The following WWOX variants were observed in gnomAD, a reference collection of about 807,000 sequenced individuals.
WWOX encodes WW domain-containing oxidoreductase.
WWOX carries 69 observed loss-of-function variants against 46.2 expected under a neutral mutation model. The ratio of observed to expected loss-of-function variants is 1.49; its 90% CI spans 1.23 to 1.82. WWOX has a LOEUF of 1.82. Ranked by LOEUF, WWOX falls within the 40% of genes most tolerant of loss-of-function variation. WWOX has a pLI of 0.00. For missense variants in WWOX, 919 were observed against 542.6 expected, an observed-to-expected ratio of 1.69 and a Z score of -6.89; for synonymous variants, 359 against 202.6, an observed-to-expected ratio of 1.77 and a Z score of -6.56.
At chr16:78,439,912 C>T (rs1399180384) in intron 8 of WWOX, among the ~76,000 whole-genome samples, 1 of 152,312 alleles carries the variant, frequency 6.6e-6, no homozygotes, top group Non-Finnish European at 1.5e-5. Flanking sequence ...AGGGATGAGG[C>T]TCCTCATTGC....
intron 8 of WWOX, among the ~76,000 whole-genome samples, chr16:79,061,721 C>G (rs562282707): frequency 6.6e-6 from 1 of 152,206 alleles, no homozygotes. Context: ...CCTAATTTTG[C>G]TCAGGGCTAC....
intron 5 of WWOX, among the ~76,000 whole-genome samples, chr16:78,378,931 T>C (rs1423364900): frequency 6.6e-6 from 1 of 152,190 alleles, no homozygotes; most frequent in Non-Finnish European, 1.5e-5. Flanking sequence ...CGGTGTTACG[T>C]CTTCAAGAAT....
chr16:78,633,284 C>T (rs2046484654), intron 8 of WWOX, among the ~76,000 whole-genome samples: 1 of 152,088 alleles, frequency 6.6e-6, no homozygotes, highest in Non-Finnish European at 1.5e-5. Flanking sequence ...AACAAAAAAA[C>T]AAGAAGTTAA....
intron 8 of WWOX, among the ~76,000 whole-genome samples, chr16:78,972,304 A>G (rs1460216000): frequency 1.3e-5 from 2 of 152,190 alleles, no homozygotes; most frequent in African/African-American, 2.4e-5. Context: ...GTCTCGCATT[A>G]TAAATGAATG....
In WWOX at chr16:78,362,896, G is replaced by T. The variant is rs1381801483; in HGVS notation, c.517-23964G>T. Among the ~76,000 whole-genome samples the T allele has an allele frequency of 2.0e-5, 3 of 152,190 alleles. No individual in the cohort carries two copies. In the East Asian group the frequency reaches 5.8e-4, roughly 29 times the overall value. ...CCGAAGTTGCTAAATGCGTAAAGGA[G>T]GTGGTGGTGTCAGAATGTTATCCTG... On this transcript the variant is annotated intron_variant, in intron 5 of 8. Coordinates refer to ENST00000566780, the MANE Select transcript of WWOX (RefSeq NM_016373.4).
chr16:78,807,627 C>G (rs990394342), intron 8 of WWOX, among the ~76,000 whole-genome samples: 6 of 152,142 alleles, frequency 3.9e-5, no homozygotes, highest in African/African-American at 1.4e-4. Flanking sequence ...CATTTTATGG[C>G]TTATGGAAAG....
chr16:78,126,799 A>T (rs776912786), intron 4 of WWOX, among the ~76,000 whole-genome samples: 5 of 152,132 alleles, frequency 3.3e-5, no homozygotes, highest in Non-Finnish European at 5.9e-5. Context: ...ACCCCAAAAA[A>T]CTTAAACTTG....
intron 8 of WWOX, among the ~76,000 whole-genome samples, chr16:79,210,384 T>C (rs74036770): frequency 0.022 from 3,308 of 152,272 alleles, 115 homozygotes; most frequent in African/African-American, 0.076. Context: ...ACCAGACCAT[T>C]TGAGGGAAAC....
chr16:78,396,119 C>G (rs1049999590), intron 6 of WWOX, among the ~76,000 whole-genome samples: 2 of 152,204 alleles, frequency 1.3e-5, no homozygotes, highest in African/African-American at 4.8e-5. Flanking sequence ...AAGAACTTGG[C>G]TAGAGATTGG....
chr16:78,270,411 C>G (rs908824841), intron 5 of WWOX: 2 of 152,320 alleles, frequency 1.3e-5, no homozygotes, highest in South Asian at 4.1e-4. Context: ...TCCAGGACAA[C>G]GGTTTGGCAG....
chr16:78,852,912 A>T (rs1340580788), intron 8 of WWOX, among the ~76,000 whole-genome samples: 1 of 152,214 alleles, frequency 6.6e-6, no homozygotes, highest in Non-Finnish European at 1.5e-5. Flanking sequence ...GTTTGGTGAC[A>T]GGCTTCTTTC....
intron 8 of WWOX, among the ~76,000 whole-genome samples, chr16:78,777,812 C>T (rs532096250): frequency 2.0e-5 from 3 of 152,056 alleles, no homozygotes; most frequent in East Asian, 3.9e-4. Context: ...TTTGGGAGGC[C>T]GGGGCAGGCA....
chr16:79,203,994 G>C (rs955157700), intron 8 of WWOX: 3 of 152,128 alleles, frequency 2.0e-5, no homozygotes, highest in East Asian at 1.9e-4. Flanking sequence ...CGGGCATCAA[G>C]GTGGCCCAGT....
intron 5 of WWOX, among the ~76,000 whole-genome samples, chr16:78,355,271 A>T (rs2081261458): frequency 6.6e-6 from 1 of 151,674 alleles, no homozygotes; most frequent in Admixed American, 6.6e-5. Flanking sequence ...AAAAAAAAGT[A>T]TGTATACATA....
chr16:78,899,893 T>G (rs1157253045), intron 8 of WWOX, among the ~76,000 whole-genome samples: 1 of 152,144 alleles, frequency 6.6e-6, no homozygotes, highest in East Asian at 1.9e-4. Flanking sequence ...TAACACTTGT[T>G]CCTCTCTGTC....
chr16:78,664,515 C>T (rs1319595441), intron 8 of WWOX, among the ~76,000 whole-genome samples: 2 of 152,208 alleles, frequency 1.3e-5, no homozygotes, highest in Non-Finnish European at 2.9e-5. Flanking sequence ...TCCCCTCTCA[C>T]TAGCAGGGAT....
chr16:78,573,333 G>C lies in WWOX; in HGVS notation c.1056+140581G>C, dbSNP rs1036731232. On this transcript the variant is annotated intron_variant, in intron 8 of 8. Coordinates refer to ENST00000566780, the MANE Select transcript of WWOX (RefSeq NM_016373.4). ...CAAAAAAGGTTTAAGAAATGTTCTA[G>C]TACCTTGAAACCAAAATAGGTATCA... Among the ~76,000 whole-genome samples the C allele has an allele frequency of 2.6e-5, 4 of 152,152 alleles. No individual in the cohort carries two copies. The South Asian group carries it at 8.3e-4, about 32-fold the overall frequency.
intron 8 of WWOX, among the ~76,000 whole-genome samples, chr16:78,615,232 G>GTT (rs2045993994): frequency 6.6e-6 from 1 of 152,146 alleles, no homozygotes; most frequent in Admixed American, 6.5e-5. Flanking sequence ...CATCACCACT[G>GTT]TTGAAGGCGC....
intron 5 of WWOX, among the ~76,000 whole-genome samples, chr16:78,263,996 C>T (rs377262971): frequency 2.9e-3 from 227 of 78,750 alleles, no homozygotes; most frequent in South Asian, 5.5e-3. Flanking sequence ...GCTGTGAAAT[C>T]TTTTTTTTTT....
Sources: allele counts gnomAD v4.1 joint callset (sites outside exome capture counted in the v4.1 genomes callset), GRCh38; gene constraint gnomAD v4.1.1; transcripts MANE v1.5; gene names NCBI Gene and HGNC (gene_info 2026-07-23, HGNC 2026-07-21).